Variants in SGMS1 observed in about 807,000 individuals in gnomAD.
The protein encoded by SGMS1 is phosphatidylcholine:ceramide cholinephosphotransferase 1.
SGMS1 carries 13 observed loss-of-function variants against 46.2 expected under a neutral mutation model. That is an observed-to-expected ratio of 0.28 (90% CI 0.18 to 0.45). The LOEUF (loss-of-function observed/expected upper bound fraction) is 0.45. Among genes scored for constraint, SGMS1 ranks in the 20% least tolerant of loss-of-function variants. SGMS1 has a pLI of 1.00. For missense variants in SGMS1, 324 were observed against 519.9 expected (o/e 0.62, Z 3.66); for synonymous variants, 203 against 187.8 (o/e 1.08, Z -0.66).
chr10:50,503,302 G>C (rs145855442), intron 3 of SGMS1, among the ~76,000 whole-genome samples: 2 of 152,190 alleles, frequency 1.3e-5, no homozygotes, highest in Non-Finnish European at 2.9e-5. Flanking sequence ...CACGCTAATT[G>C]TCCTAAGTGT....
At chr10:50,460,252 C>T (rs1417401165) in intron 5 of SGMS1, 3 of 152,164 alleles carry the variant, frequency 2.0e-5, no homozygotes, top group African/African-American at 7.2e-5. Flanking sequence ...CTGATACAAC[C>T]ACATCCAATC....
chr10:50,457,565 T>C (rs1837208204), intron 5 of SGMS1, among the ~76,000 whole-genome samples: 1 of 152,118 alleles, frequency 6.6e-6, no homozygotes. Context: ...TTCCAATCCA[T>C]GCCTCCCCCA....
intron 2 of SGMS1, among the ~76,000 whole-genome samples, chr10:50,583,330 A>G (rs1383772907): frequency 6.6e-6 from 1 of 152,194 alleles, no homozygotes; most frequent in Non-Finnish European, 1.5e-5. Context: ...TATAATAATT[A>G]GTGTACCTCC....
At chr10:50,388,503 G>A (rs1233722992) in intron 6 of SGMS1, among the ~76,000 whole-genome samples, 1 of 150,454 alleles carries the variant, frequency 6.6e-6, no homozygotes. Context: ...AAATTTGCCA[G>A]GCATGATGGT....
At chr10:50,547,782 A>C (rs943839451) in intron 2 of SGMS1, among the ~76,000 whole-genome samples, 4 of 152,212 alleles carry the variant, frequency 2.6e-5, no homozygotes, top group Admixed American at 6.5e-5. Context: ...ACATTGATGC[A>C]AAAATCCTCA....
chr10:50,553,742 C>T (rs949543254), intron 2 of SGMS1, among the ~76,000 whole-genome samples: 3 of 152,116 alleles, frequency 2.0e-5, no homozygotes, highest in Non-Finnish European at 4.4e-5. Flanking sequence ...GCTAAATTCA[C>T]GTCACTCACT....
chr10:50,311,625 A>G (rs113644651), intron 8 of SGMS1, among the ~76,000 whole-genome samples: 2,106 of 152,320 alleles, frequency 0.014, 42 homozygotes, highest in African/African-American at 0.046. Flanking sequence ...ACGTGGCTTC[A>G]GGACTTTTCA....
intron 6 of SGMS1, among the ~76,000 whole-genome samples, chr10:50,355,041 T>G (rs1353111025): frequency 1.3e-5 from 2 of 152,234 alleles, no homozygotes; most frequent in Non-Finnish European, 2.9e-5. Flanking sequence ...TGATGATTCC[T>G]CAGGGATCTA....
At chr10:50,396,261 T>C (rs1848847050) in intron 6 of SGMS1, among the ~76,000 whole-genome samples, 1 of 152,116 alleles carries the variant, frequency 6.6e-6, no homozygotes, top group African/African-American at 2.4e-5. Flanking sequence ...CCTCTTCTCC[T>C]CTCTTTACTT....
At chr10:50,318,396 C>A (rs1197548402) in intron 8 of SGMS1, among the ~76,000 whole-genome samples, 1 of 152,162 alleles carries the variant, frequency 6.6e-6, no homozygotes, top group Admixed American at 6.5e-5. Flanking sequence ...CCTCTACCCA[C>A]CAAAGCAAGA....
chr10:50,583,616 A>T (rs1838454957), intron 2 of SGMS1, among the ~76,000 whole-genome samples: 1 of 152,198 alleles, frequency 6.6e-6, no homozygotes, highest in Non-Finnish European at 1.5e-5. Context: ...GCCCAAAAAC[A>T]TGTAGCCAAG....
intron 6 of SGMS1, among the ~76,000 whole-genome samples, chr10:50,372,642 C>G (rs2842108): frequency 0.69 from 104,404 of 151,786 alleles, 36,143 homozygotes; most frequent in Middle Eastern, 0.8. Flanking sequence ...GCAGTGAGCC[C>G]AGATCATGCC....
intron 3 of SGMS1, among the ~76,000 whole-genome samples, chr10:50,505,342 T>C (rs900529570): frequency 6.6e-6 from 1 of 152,236 alleles, no homozygotes; most frequent in Admixed American, 6.5e-5. Flanking sequence ...GGTAGATTTT[T>C]ATACCAATTT....
At chr10:50,440,890 A>G (rs1453028557) in intron 5 of SGMS1, among the ~76,000 whole-genome samples, 3 of 152,234 alleles carry the variant, frequency 2.0e-5, no homozygotes, top group African/African-American at 4.8e-5. Flanking sequence ...GATTACAGGC[A>G]TGAGCCACCA....
chr10:50,581,892 C>T (rs964620010), intron 2 of SGMS1, among the ~76,000 whole-genome samples: 7 of 152,314 alleles, frequency 4.6e-5, no homozygotes, highest in Admixed American at 3.9e-4. Context: ...ACATGGTAAA[C>T]AATTTCTTGT....
intron 6 of SGMS1, among the ~76,000 whole-genome samples, chr10:50,402,572 T>C (rs888589340): frequency 5.3e-5 from 8 of 152,208 alleles, no homozygotes; most frequent in South Asian, 2.1e-4. Flanking sequence ...TATGAATAAG[T>C]ATATAGATTA....
At position 50,343,845 on chromosome 10, in the gene SGMS1, G is replaced by A. The variant is rs1316023558; in HGVS notation, c.270C>T (p.Asp90=). Residue 90 remains aspartate (D), a synonymous_variant, in exon 7 of 11, where the codon GAC becomes GAT. Transcript: ENST00000361781. The part of the protein sequence containing the change: ...HANGHLNIGV[D]IPTPDGSFSI... ...TGAAGCTGCCGTCGGGGGTGGGGAT[G>A]TCTACGCCAATGTTGAGGTGCCCAT... 13 of 1,614,190 alleles carry A rather than the reference G, an allele frequency of 8.1e-6. No homozygotes were observed. In the East Asian group the frequency reaches 2.9e-4, roughly 36 times the overall value.
chr10:50,466,561 T>C (rs1248357386), intron 4 of SGMS1, among the ~76,000 whole-genome samples: 2 of 152,064 alleles, frequency 1.3e-5, no homozygotes, highest in Non-Finnish European at 2.9e-5. Context: ...CTGTGGAAAA[T>C]AATATTGAAT....
At chr10:50,399,113 C>CCAGTAAATTT (rs1224713424) in intron 6 of SGMS1, among the ~76,000 whole-genome samples, 4 of 151,908 alleles carry the variant, frequency 2.6e-5, no homozygotes, top group Non-Finnish European at 4.4e-5. Context: ...TTGTAGAACT[C>CCAGTAAATTT]AGTAAATTTA....
Sources: gnomAD v4.1 joint callset for allele counts (sites outside exome capture counted in the v4.1 genomes callset) on GRCh38, gnomAD v4.1.1 for gene constraint, MANE v1.5 for transcripts, NCBI Gene and HGNC (gene_info 2026-07-23, HGNC 2026-07-21) for gene names.